CCDC7: variants seen among roughly 807,000 people sequenced by gnomAD.
CCDC7 encodes the protein coiled-coil domain containing 7.
In CCDC7, 183 loss-of-function variants were observed where a neutral mutation model predicts 196.9. That is an observed-to-expected ratio of 0.93 (90% CI 0.82 to 1.05). The LOEUF (loss-of-function observed/expected upper bound fraction) is 1.05. CCDC7 is among the 50% of genes least tolerant of loss of function. CCDC7 has a pLI of 0.00. For missense variants in CCDC7, 1,540 were observed against 1,482.2 expected, an observed-to-expected ratio of 1.04 and a Z score of -0.64; for synonymous variants, 525 against 484.6, an observed-to-expected ratio of 1.08 and a Z score of -1.10.
At chr10:32,875,012 G>A (rs2094558900) in intron 41 of CCDC7, among the ~76,000 whole-genome samples, 1 of 151,848 alleles carries the variant, frequency 6.6e-6, no homozygotes, top group Non-Finnish European at 1.5e-5. Context: ...TCTACATGTG[G>A]CTATCAAATT....
At chr10:32,565,659 A>G (rs1364237486) in intron 14 of CCDC7, 39 bp downstream of exon 15, 3 of 1,583,840 alleles carry the variant, frequency 1.9e-6, no homozygotes, top group Non-Finnish European at 8.6e-7. Context: ...GTTAACAAGT[A>G]AAGAAAATAT....
exon 32 of CCDC7, chr10:32,824,535 C>T (rs375999634): frequency 8.7e-6 from 14 of 1,608,184 alleles, no homozygotes; most frequent in African/African-American, 2.7e-5. Flanking sequence ...TGAACGATTG[C>T]ATAGTACAAC....
intron 30 of CCDC7, among the ~76,000 whole-genome samples, chr10:32,811,278 A>G (rs1347572765): frequency 2.6e-5 from 4 of 152,062 alleles, no homozygotes; most frequent in Non-Finnish European, 5.9e-5. Context: ...AAAAAAAGAT[A>G]GAAGATACAA....
At chr10:32,597,007 G>T (rs575034798) in intron 18 of CCDC7, among the ~76,000 whole-genome samples, 4 of 151,964 alleles carry the variant, frequency 2.6e-5, no homozygotes, top group Non-Finnish European at 5.9e-5. Flanking sequence ...TGCGTCTTGG[G>T]GTTGCTCTTC....
At chr10:32,686,107 T>C in intron 22 of CCDC7, 27 bp downstream of exon 23, 1 of 1,119,844 alleles carries the variant, frequency 8.9e-7, no homozygotes, top group Non-Finnish European at 1.3e-6. Context: ...CACATAACTT[T>C]ACATTATTTT....
At chr10:32,503,331 T>C (rs1344640601) in intron 9 of CCDC7, among the ~76,000 whole-genome samples, 1 of 152,208 alleles carries the variant, frequency 6.6e-6, no homozygotes, top group Non-Finnish European at 1.5e-5. Flanking sequence ...TCTATACCTA[T>C]TTATTGATGG....
intron 32 of CCDC7, among the ~76,000 whole-genome samples, chr10:32,825,614 T>C (rs747397127): frequency 6.6e-6 from 1 of 152,134 alleles, no homozygotes; most frequent in African/African-American, 2.4e-5. Context: ...CCAGGAGTGG[T>C]TCTAGAGGAA....
intron 11 of CCDC7, among the ~76,000 whole-genome samples, chr10:32,533,467 A>G (rs2050008140): frequency 6.6e-6 from 1 of 151,950 alleles, no homozygotes; most frequent in African/African-American, 2.4e-5. Context: ...GGGTTTCTTC[A>G]TGTACTTAAT....
At chr10:32,630,813 G>GAATATAA (rs2064759467) in intron 18 of CCDC7, among the ~76,000 whole-genome samples, 1 of 152,112 alleles carries the variant, frequency 6.6e-6, no homozygotes, top group Admixed American at 6.6e-5. Context: ...TTTATATGCT[G>GAATATAA]TGTCAGTTAG....
intron 18 of CCDC7, among the ~76,000 whole-genome samples, chr10:32,595,455 C>T (rs1024554211): frequency 3.9e-5 from 6 of 151,992 alleles, no homozygotes; most frequent in South Asian, 2.1e-4. Context: ...TTTAGTCTTG[C>T]GAGTGGTCTA....
At chr10:32,494,999 A>G (rs1050869263) in intron 9 of CCDC7, among the ~76,000 whole-genome samples, 2 of 152,200 alleles carry the variant, frequency 1.3e-5, no homozygotes, top group African/African-American at 4.8e-5. Flanking sequence ...GAACTAATTT[A>G]CACTCCCACC....
At chr10:32,810,908 A>G (rs1320543049) in intron 30 of CCDC7, among the ~76,000 whole-genome samples, 1 of 152,126 alleles carries the variant, frequency 6.6e-6, no homozygotes, top group East Asian at 1.9e-4. Context: ...CAAAGTGCTC[A>G]TGAATGATCA....
chr10:32,585,472 C>T (rs1366415237), intron 18 of CCDC7, among the ~76,000 whole-genome samples: 2 of 152,118 alleles, frequency 1.3e-5, no homozygotes, highest in African/African-American at 4.8e-5. Flanking sequence ...GTTTGCTGCA[C>T]CCATCAACCC....
At chr10:32,564,519 G>A (rs1436607850) in intron 13 of CCDC7, among the ~76,000 whole-genome samples, 4 of 152,022 alleles carry the variant, frequency 2.6e-5, no homozygotes, top group Admixed American at 6.6e-5. Flanking sequence ...GATGAAATTG[G>A]AAATCATCAT....
At chr10:32,474,210 C>CTTTTTTTT (rs71027095) in intron 8 of CCDC7, among the ~76,000 whole-genome samples, 187 bp downstream of exon 9, 4 of 58,964 alleles carry the variant, frequency 6.8e-5, no homozygotes, top group East Asian at 1.2e-3. Flanking sequence ...AAACTAGATT[C>CTTTTTTTT]TTTTTTTTTT....
At chr10:32,565,601 A>G (rs769567847) in exon 14 of CCDC7, 1 of 1,609,938 alleles carries the variant, frequency 6.2e-7, no homozygotes, top group South Asian at 1.1e-5. Flanking sequence ...CTTCAGGAGC[A>G]ATTGAAACAG....
chr10:32,447,945 G>C (rs1419893807), upstream of CCDC7, among the ~76,000 whole-genome samples: 1 of 152,008 alleles, frequency 6.6e-6, no homozygotes, highest in Non-Finnish European at 1.5e-5. Context: ...CAGGGGCTTT[G>C]GTTCAAGTTC....
At chr10:32,867,070 TA>T (rs1474551837) in intron 41 of CCDC7, among the ~76,000 whole-genome samples, 1 of 151,530 alleles carries the variant, frequency 6.6e-6, no homozygotes, top group African/African-American at 2.4e-5. Flanking sequence ...AAAAGAAATA[TA>T]AATTAACTAT....
chr10:32,634,359 A>G (rs1184075652), exon 19 of CCDC7: 14 of 1,111,590 alleles, frequency 1.3e-5, no homozygotes, highest in East Asian at 6.5e-5. Flanking sequence ...ATGGAAAGAC[A>G]TGAGGGTAAG....
Sources: allele counts gnomAD v4.1 joint callset (sites outside exome capture counted in the v4.1 genomes callset), GRCh38; gene constraint gnomAD v4.1.1; transcripts MANE v1.5; gene names NCBI Gene and HGNC (gene_info 2026-07-23, HGNC 2026-07-21).